The following CEACAM6 variants were observed in gnomAD, a reference collection of about 807,000 sequenced individuals.
CEACAM6 encodes the protein cell adhesion molecule CEACAM6.
A neutral mutation model predicts 32.4 loss-of-function variants in CEACAM6; 21 were observed. That is an observed-to-expected ratio of 0.65 (90% CI 0.46 to 0.93). The LOEUF is 0.93. Ranked by LOEUF, CEACAM6 falls within the 40% of genes least tolerant of loss-of-function variation. The pLI is 0.00. For synonymous variants in CEACAM6, 184 were observed against 174.4 expected (o/e 1.06, Z -0.43); for missense variants, 406 against 432.2 (o/e 0.94, Z 0.54).
At chr19:41,756,459 C>T in intron 1 of CEACAM6, 141 bp from the exon 2 acceptor site, 1 of 609,342 alleles carries the variant, frequency 1.6e-6, no homozygotes, top group Non-Finnish European at 2.1e-6. Flanking sequence ...GTAGGACACA[C>T]ACACACACAC....
intron 1 of CEACAM6, 123 bp from the exon 2 acceptor site, chr19:41,756,456 ACACACACACACACACACACAC>A: frequency 3.3e-6 from 1 of 307,364 alleles, no homozygotes; most frequent in Admixed American, 9.2e-5. Flanking sequence ...TCAGTAGGAC[ACACACACACACACACACACAC>A]ACACACACAC....
intron 4 of CEACAM6, 103 bp downstream of exon 4, chr19:41,762,326 C>T: frequency 7.3e-7 from 1 of 1,372,694 alleles, no homozygotes; most frequent in Non-Finnish European, 1.0e-6. Context: ...GTCCAAGGGG[C>T]ACACGCAAAT....
In CEACAM6 at chr19:41,761,599, A is replaced by G. The variant is rs1447447748; in HGVS notation, c.703+72A>G. On this transcript the variant is annotated intron_variant, in intron 3 of 5. Transcript: ENST00000199764. ...CACACAGCCAGAGTCCAGGTCTCTC[A>G]GTCCCTCTCAGGTCTAAGGACTCAG... 3 of 1,588,842 alleles carry G rather than the reference A, an allele frequency of 1.9e-6. No homozygotes were observed. In the African/African-American group the frequency reaches 4.0e-5, roughly 21 times the overall value.
At chr19:41,757,422 C>T (rs1411775221) in intron 2 of CEACAM6, among the ~76,000 whole-genome samples, 1 of 152,100 alleles carries the variant, frequency 6.6e-6, no homozygotes, top group Non-Finnish European at 1.5e-5. Context: ...TGTGTGGTGG[C>T]CTCTTGGGCA....
intron 4 of CEACAM6, 92 bp downstream of exon 4, chr19:41,762,315 T>C (rs2072931347): frequency 6.8e-7 from 1 of 1,471,860 alleles, no homozygotes; most frequent in Non-Finnish European, 9.2e-7. Flanking sequence ...TCCCAACCTG[T>C]GTCCAAGGGG....
At chr19:41,756,150 CAG>C (rs1158215931) in intron 1 of CEACAM6, among the ~76,000 whole-genome samples, 10 of 152,134 alleles carry the variant, frequency 6.6e-5, no homozygotes, top group Non-Finnish European at 7.3e-5. Context: ...TCAGTCATCA[CAG>C]AGCTTATGCT....
Position 41,771,625 on chromosome 19 carries a change from A to G in CEACAM6, c.*864A>G, listed in dbSNP as rs1224485611. The G allele has an allele frequency of 1.3e-5, 2 of 152,202 alleles. No homozygotes were observed. The highest frequency in any genetic ancestry group is 2.9e-5 in the Non-Finnish European group (2 of 68,034). The allele number at this position is 152,202 out of a possible 1,614,324, so 9.4% of individuals were successfully genotyped here. A position where few individuals can be genotyped will look rare whatever the true frequency, so the allele number is the denominator to read the frequency against. On this transcript the variant is annotated 3_prime_UTR_variant, in exon 6 of 6. Coordinates refer to ENST00000199764, the MANE Select transcript of CEACAM6 (RefSeq NM_002483.7). The stretch of plus-strand genomic sequence containing the variant: ...TTGGTATTACCCTCCTAATAGTCAT[A>G]CTAGTAGTCATACTCCCTGGTGTAG...
At position 41,761,357 on chromosome 19, in the gene CEACAM6, G is replaced by T; in HGVS notation, c.533G>T (p.Trp178Leu). The T allele has an allele frequency of 6.2e-7, 1 of 1,614,202 alleles. No individual in the cohort carries two copies. Residue 178 changes from tryptophan to leucine, a missense_variant, in exon 3 of 6, where the codon TGG becomes TTG. Coordinates refer to ENST00000199764, the MANE Select transcript of CEACAM6 (RefSeq NM_002483.7). ...EPEVQNTTYLWWVNGQSLPVS... is the reference protein window; with the variant it reads ...EPEVQNTTYLLWVNGQSLPVS... The stretch of plus-strand genomic sequence containing the variant: ...GAGGTTCAGAACACAACCTACCTGT[G>T]GTGGGTAAATGGTCAGAGCCTCCCG...
chr19:41,766,110 G>C (rs377019907), intron 4 of CEACAM6, 73 bp from the exon 5 acceptor site: 1 of 1,043,786 alleles, frequency 9.6e-7, no homozygotes. Context: ...CCTACTTCAT[G>C]TTGACAGCTA....
chr19:41,768,524 C>T (rs1293965553), intron 5 of CEACAM6, among the ~76,000 whole-genome samples: 1 of 152,262 alleles, frequency 6.6e-6, no homozygotes, highest in Non-Finnish European at 1.5e-5. Flanking sequence ...CGGCAACCAT[C>T]CGATTTCTCA....
chr19:41,763,395 C>A (rs1555822111), intron 4 of CEACAM6, among the ~76,000 whole-genome samples: 1 of 152,120 alleles, frequency 6.6e-6, no homozygotes, highest in African/African-American at 2.4e-5. Context: ...TCAGAAAAAA[C>A]ACACCTTGGC....
intron 2 of CEACAM6, among the ~76,000 whole-genome samples, chr19:41,760,537 G>T (rs148461146): frequency 5.3e-5 from 8 of 152,334 alleles, no homozygotes; most frequent in African/African-American, 1.9e-4. Context: ...GGTTCTGCTG[G>T]GAAATTCAGG....
At chr19:41,765,527 G>A (rs2072950879) in intron 4 of CEACAM6, among the ~76,000 whole-genome samples, 1 of 152,238 alleles carries the variant, frequency 6.6e-6, no homozygotes, top group South Asian at 2.1e-4. Flanking sequence ...AAACAGCCAT[G>A]AGGGAAGGTG....
intron 4 of CEACAM6, 143 bp downstream of exon 4, chr19:41,762,366 C>G: frequency 1.1e-6 from 1 of 915,280 alleles, no homozygotes. Context: ...CCTCCCAATT[C>G]ACCTCTGCAG....
Position 41,756,589 on chromosome 19 carries a change from C to T in CEACAM6, c.65-11C>T, listed in dbSNP as rs554528359. ...TCCCAATATTGACCGATGCTCTCTC[C>T]TCTCTCCTAGCCTCACTTCTAACCT... On this transcript the variant is annotated splice_polypyrimidine_tract_variant and intron_variant, in intron 1 of 5. Coordinates refer to ENST00000199764, the MANE Select transcript of CEACAM6 (RefSeq NM_002483.7). 1.8e-5 allele frequency: 29 copies of T among 1,610,984 alleles called. No individual in the cohort carries two copies. In the African/African-American group the frequency reaches 2.7e-4, roughly 15 times the overall value.
chr19:41,755,740 G>A lies in CEACAM6; in HGVS notation c.64+38G>A, dbSNP rs782776442. 1.5e-5 allele frequency: 23 copies of A among 1,560,576 alleles called. No individual in the cohort carries two copies. The Admixed American group carries it at 3.8e-4, about 26-fold the overall frequency. On this transcript the variant is annotated intron_variant, in intron 1 of 5. Transcript: ENST00000199764. Reference sequence around the variant, plus strand: ...CTCCCTCGGAGTGGATGGGAGGAGGGAGCACAGAGACTGGCTAGGGTCTCC... The same window carrying A: ...CTCCCTCGGAGTGGATGGGAGGAGGAAGCACAGAGACTGGCTAGGGTCTCC...
chr19:41,755,712 G>A lies in CEACAM6; in HGVS notation c.64+10G>A. ...GAGGTCCTGCTCACAGGTGAGGGGA[G>A]GACTCCCTCGGAGTGGATGGGAGGA... On this transcript the variant is annotated intron_variant, in intron 1 of 5. Transcript: ENST00000199764. 1 of 1,598,880 alleles carries A rather than the reference G, an allele frequency of 6.3e-7. No homozygotes were observed. The highest frequency in any genetic ancestry group is 8.5e-7 in the Non-Finnish European group (1 of 1,173,526).
intron 2 of CEACAM6, among the ~76,000 whole-genome samples, chr19:41,759,052 G>A (rs1555821515): frequency 6.6e-6 from 1 of 152,218 alleles, no homozygotes; most frequent in African/African-American, 2.4e-5. Context: ...AGGATGACAG[G>A]TCTGCTTTCC....
chr19:41,757,932 C>T (rs1315068031), intron 2 of CEACAM6: 1 of 152,214 alleles, frequency 6.6e-6, no homozygotes, highest in Non-Finnish European at 1.5e-5. Flanking sequence ...AGATTAGAGA[C>T]ATATGAGGTC....
Sources: allele counts gnomAD v4.1 joint callset (sites outside exome capture counted in the v4.1 genomes callset), GRCh38; gene constraint gnomAD v4.1.1; transcripts MANE v1.5; gene names NCBI Gene and HGNC (gene_info 2026-07-23, HGNC 2026-07-21).